RAP1GAP2: variants seen among roughly 807,000 people sequenced by gnomAD.
RAP1GAP2 encodes rap1 GTPase-activating protein 2.
In RAP1GAP2, 27 loss-of-function variants were observed where a neutral mutation model predicts 95.0. The observed-to-expected ratio is 0.28, with a 90% CI of 0.21 to 0.39. RAP1GAP2 has a LOEUF of 0.39. Among genes scored for constraint, RAP1GAP2 ranks in the 10% least tolerant of loss-of-function variants. The pLI is 1.00. For synonymous variants in RAP1GAP2, 373 were observed against 380.9 expected, an observed-to-expected ratio of 0.98 and a Z score of 0.24; for missense variants, 771 against 970.0, an observed-to-expected ratio of 0.79 and a Z score of 2.72.
intron 1 of RAP1GAP2, among the ~76,000 whole-genome samples, chr17:2,767,734 T>C (rs1480660511): frequency 6.7e-6 from 1 of 150,372 alleles, no homozygotes; most frequent in Non-Finnish European, 1.5e-5. Flanking sequence ...TAATTTATTA[T>C]AGCTTTTTTT....
chr17:2,861,997 G>C lies in RAP1GAP2; in HGVS notation c.81-43287G>C, dbSNP rs184490759. 2.0e-5 allele frequency among the ~76,000 whole-genome samples: 3 copies of C among 152,282 alleles called. No individual in the cohort carries two copies. In the East Asian group the frequency reaches 5.8e-4, roughly 29 times the overall value. On this transcript the variant is annotated intron_variant, in intron 2 of 24. Coordinates refer to ENST00000254695, the MANE Select transcript of RAP1GAP2 (RefSeq NM_015085.5). ...ATACTCAGCGCCCTTTCTTTTGTCT[G>C]AGATTGGGGACTGTCTCCCTTCTCT...
chr17:2,927,215 G>A (rs1429661543), intron 3 of RAP1GAP2, among the ~76,000 whole-genome samples: 12 of 150,812 alleles, frequency 8.0e-5, no homozygotes, highest in South Asian at 2.1e-4. Flanking sequence ...GTGCAGTGGC[G>A]CGATCTCGGC....
intron 2 of RAP1GAP2, among the ~76,000 whole-genome samples, chr17:2,807,972 G>A (rs1567666036): frequency 1.3e-5 from 2 of 152,182 alleles, no homozygotes; most frequent in African/African-American, 2.4e-5. Flanking sequence ...GTGAGGCCTC[G>A]GGAAGTTCGC....
chr17:2,917,451 G>T (rs2042609072), intron 3 of RAP1GAP2, among the ~76,000 whole-genome samples: 1 of 152,008 alleles, frequency 6.6e-6, no homozygotes, highest in African/African-American at 2.4e-5. Context: ...TATATTTTTA[G>T]TAGAGTTGGG....
At chr17:2,832,663 T>C (rs1214592579) in intron 2 of RAP1GAP2, among the ~76,000 whole-genome samples, 1 of 151,734 alleles carries the variant, frequency 6.6e-6, no homozygotes, top group Non-Finnish European at 1.5e-5. Context: ...CATACTTTTC[T>C]AGATATTTAA....
At chr17:2,770,393 A>G in exon 2 of RAP1GAP2, 1 of 398,702 alleles carries the variant, frequency 2.5e-6, no homozygotes, top group Admixed American at 4.4e-5. Flanking sequence ...GTGGCTCTAC[A>G]GCCCGCAGCA....
At chr17:2,778,945 C>T (rs1029417369) in intron 1 of RAP1GAP2, among the ~76,000 whole-genome samples, 2 of 152,236 alleles carry the variant, frequency 1.3e-5, no homozygotes, top group African/African-American at 4.8e-5. Flanking sequence ...AGCCCCATCC[C>T]CTGCCAGACA....
intron 2 of RAP1GAP2, among the ~76,000 whole-genome samples, chr17:2,826,633 T>A (rs1437485873): frequency 3.3e-5 from 5 of 151,426 alleles, no homozygotes; most frequent in Non-Finnish European, 5.9e-5. Flanking sequence ...TCCTCTTGGC[T>A]GGGGTTGGAG....
intron 2 of RAP1GAP2, among the ~76,000 whole-genome samples, chr17:2,820,963 C>G (rs1486992866): frequency 6.7e-6 from 1 of 149,304 alleles, no homozygotes; most frequent in African/African-American, 2.5e-5. Context: ...TCTCGAACTG[C>G]TGACCTGTTG....
chr17:2,897,369 G>A (rs1025953838), intron 2 of RAP1GAP2, among the ~76,000 whole-genome samples: 1 of 151,978 alleles, frequency 6.6e-6, no homozygotes, highest in Admixed American at 6.5e-5. Flanking sequence ...AAAAAAATGG[G>A]TGTCCAGAAG....
upstream of RAP1GAP2, among the ~76,000 whole-genome samples, chr17:2,796,086 G>T (rs2069072101): frequency 1.3e-5 from 2 of 152,166 alleles, no homozygotes; most frequent in African/African-American, 4.8e-5. The surrounding 1 kb of genome is among the most constrained non-coding windows in gnomAD (Gnocchi z 4.7). Context: ...TCGGGAGTGG[G>T]TGTGAAGGTC....
intron 2 of RAP1GAP2, among the ~76,000 whole-genome samples, chr17:2,872,288 G>C (rs1040874054): frequency 6.8e-6 from 1 of 147,076 alleles, no homozygotes; most frequent in Non-Finnish European, 1.5e-5. Context: ...AGAAAGACGA[G>C]TTCTCCAAAA....
At chr17:2,869,223 A>G (rs1342212528) in intron 2 of RAP1GAP2, among the ~76,000 whole-genome samples, 1 of 152,184 alleles carries the variant, frequency 6.6e-6, no homozygotes, top group Non-Finnish European at 1.5e-5. Flanking sequence ...CTTATAGTGT[A>G]TAGTATGCTT....
rs1005284934 is a variant in RAP1GAP2, at chr17:3,008,443, C to G, written c.1494+298C>G. On this transcript the variant is annotated intron_variant, in intron 17 of 24. Transcript: ENST00000254695. The surrounding 1 kb of genome is among the most constrained non-coding windows in gnomAD (Gnocchi z 4.2). ...TAAAGAGGTAGCAGTAGGAGAGGAGCTGGAGCAAGCCAGGAACATCGGCGC... is the reference window on the plus strand; with the variant it reads ...TAAAGAGGTAGCAGTAGGAGAGGAGGTGGAGCAAGCCAGGAACATCGGCGC... 2.0e-5 allele frequency among the ~76,000 whole-genome samples: 3 copies of G among 152,200 alleles called. No individual in the cohort carries two copies. The highest frequency in any genetic ancestry group is 4.4e-5 in the Non-Finnish European group (3 of 68,036).
In RAP1GAP2 at chr17:2,825,116, T is replaced by C. The variant is rs192773600; in HGVS notation, c.80+24566T>C. ...TGGCTAATTTTTAAAATGTTTCTTATAGAGATGGGGTCTTGCTATGCTGTC... is the reference window on the plus strand; with the variant it reads ...TGGCTAATTTTTAAAATGTTTCTTACAGAGATGGGGTCTTGCTATGCTGTC... On this transcript the variant is annotated intron_variant, in intron 2 of 24. Coordinates refer to ENST00000254695, the MANE Select transcript of RAP1GAP2 (RefSeq NM_015085.5). The surrounding 1 kb of genome is among the most constrained non-coding windows in gnomAD (Gnocchi z 4.1). Among the ~76,000 whole-genome samples, 89 of 152,214 alleles carry C rather than the reference T, an allele frequency of 5.8e-4. No homozygotes were observed. The highest frequency in any genetic ancestry group is 2.0e-3 in the African/African-American group (83 of 41,558).
chr17:2,809,781 A>G (rs1395628434), intron 2 of RAP1GAP2, among the ~76,000 whole-genome samples: 1 of 152,100 alleles, frequency 6.6e-6, no homozygotes, highest in Admixed American at 6.5e-5. Context: ...TTGTCTACAC[A>G]CTGCAGACCC....
chr17:2,948,100 G>A (rs1324074180), intron 3 of RAP1GAP2, among the ~76,000 whole-genome samples: 1 of 152,210 alleles, frequency 6.6e-6, no homozygotes. Flanking sequence ...TGAGCGACCT[G>A]TGTGCCAGGC....
chr17:2,804,763 G>A (rs2069445328), intron 2 of RAP1GAP2, among the ~76,000 whole-genome samples: 1 of 152,162 alleles, frequency 6.6e-6, no homozygotes, highest in African/African-American at 2.4e-5. Flanking sequence ...ACGTTGGAAT[G>A]CTGGAGGGGA....
intron 2 of RAP1GAP2, among the ~76,000 whole-genome samples, chr17:2,836,501 G>A (rs900117006): frequency 1.3e-5 from 2 of 151,982 alleles, no homozygotes; most frequent in East Asian, 1.9e-4. Flanking sequence ...GCATGGTGGC[G>A]GGCAACTGCA....
Sources: gnomAD v4.1 joint callset for allele counts (sites outside exome capture counted in the v4.1 genomes callset) on GRCh38, gnomAD v4.1.1 for gene constraint, Gnocchi (gnomAD v3.1) non-coding constraint, MANE v1.5 for transcripts, NCBI Gene and HGNC (gene_info 2026-07-23, HGNC 2026-07-21) for gene names.